The following SVIL variants were observed in gnomAD, a reference collection of about 807,000 sequenced individuals.
The protein encoded by SVIL is supervillin.
Under a neutral mutation model 240.4 loss-of-function variants are expected in SVIL, and 101 were observed. The ratio of observed to expected loss-of-function variants is 0.42; its 90% CI spans 0.36 to 0.50. The LOEUF is 0.50. Among genes scored for constraint, SVIL ranks in the 20% least tolerant of loss-of-function variants. SVIL has a pLI of 0.01. For missense variants in SVIL, 2,512 were observed against 2,818.7 expected, an observed-to-expected ratio of 0.89 and a Z score of 2.46; for synonymous variants, 999 against 1,100.0, an observed-to-expected ratio of 0.91 and a Z score of 1.82.
chr10:29,499,403 C>T (rs1235894336), intron 17 of SVIL, 140 bp from the exon 18 acceptor site: 1 of 1,158,668 alleles, frequency 8.6e-7, no homozygotes, highest in Non-Finnish European at 1.2e-6. Flanking sequence ...CAAAAATGTT[C>T]TATCTGAAAT....
At chr10:29,576,198 G>A in intron 1 of SVIL, 1 of 835,040 alleles carries the variant, frequency 1.2e-6, no homozygotes, top group Non-Finnish European at 1.4e-6. Flanking sequence ...ACACTCATAA[G>A]AATGACAATC....
chr10:29,494,704 A>G (rs529877653), intron 20 of SVIL, among the ~76,000 whole-genome samples: 1 of 152,350 alleles, frequency 6.6e-6, no homozygotes, highest in African/African-American at 2.4e-5. Flanking sequence ...CTCAGTTCAC[A>G]ATTCCAATTG....
intron 21 of SVIL, 77 bp from the exon 22 acceptor site, chr10:29,491,096 C>A: frequency 6.9e-7 from 1 of 1,445,460 alleles, no homozygotes. Flanking sequence ...TTGGACTCCA[C>A]AAAGTATTTC....
chr10:29,651,231 C>T (rs1958824393), intron 3 of SVIL, among the ~76,000 whole-genome samples: 1 of 152,154 alleles, frequency 6.6e-6, no homozygotes, highest in Admixed American at 6.6e-5. Context: ...GACCTCCAAA[C>T]CCAACCAGCA....
chr10:29,582,373 G>C (rs1158618127), intron 1 of SVIL, among the ~76,000 whole-genome samples: 5 of 152,152 alleles, frequency 3.3e-5, no homozygotes, highest in East Asian at 1.9e-4. Flanking sequence ...GAGACGCCAA[G>C]GACGATTCTG....
At position 29,458,458 on chromosome 10, in the gene SVIL, G is replaced by A. The variant is rs1232159294; in HGVS notation, c.6534C>T (p.Ile2178=). The change falls in exon 37 of 38, where the codon ATC becomes ATT. Residue 2178 remains isoleucine (I), a synonymous_variant. Coordinates refer to ENST00000355867, the MANE Select transcript of SVIL (RefSeq NM_021738.3). ...PEGVDPLKLE[I]YLTDEDFEFA... ...CCTCGAAGTCTTCGTCGGTGAGATA[G>A]ATCTCAAGCTTCAGAGGATCGACCC... is the stretch of plus-strand genomic sequence containing the variant. The A allele has an allele frequency of 1.3e-6, 2 of 1,581,524 alleles. No individual in the cohort carries two copies. Among genetic ancestry groups the A allele is most frequent in the East Asian group, 2.2e-5 (1 of 44,486 alleles).
rs763214461 is a variant in SVIL, at chr10:29,486,103, G to A, written c.4761C>T (p.Ser1587=). The change falls in exon 26 of 38, where the codon TCC becomes TCT. Residue 1587 remains serine, a synonymous_variant. Coordinates refer to ENST00000355867, the MANE Select transcript of SVIL (RefSeq NM_021738.3). ...ACTGTACCTCTTTGGGTTGCAGAAG[G>A]GAGCACTTCGGAATTTTCCCCCAGT... ...DDYWGKIPKC[S]LLQPKEVLVF... is the part of the protein sequence containing the mutation. 7 of 1,614,082 alleles carry A rather than the reference G, an allele frequency of 4.3e-6. No individual in the cohort carries two copies. In the South Asian group the frequency reaches 5.5e-5, roughly 13 times the overall value.
At chr10:29,536,911 C>CAAAAAAA (rs59133069) in intron 6 of SVIL, among the ~76,000 whole-genome samples, 114 of 89,526 alleles carry the variant, frequency 1.3e-3, no homozygotes, top group African/African-American at 2.1e-3. Flanking sequence ...GACTCTGTCA[C>CAAAAAAA]AAAAAAAAAA....
chr10:29,462,468 G>A (rs1464695431), intron 35 of SVIL, 67 bp from the exon 36 acceptor site: 2 of 1,564,052 alleles, frequency 1.3e-6, no homozygotes, highest in Non-Finnish European at 1.7e-6. Flanking sequence ...GATTTCCCTT[G>A]AAATCTTTTC....
At chr10:29,525,194 A>G (rs1252436712) in intron 13 of SVIL, among the ~76,000 whole-genome samples, 1 of 152,236 alleles carries the variant, frequency 6.6e-6, no homozygotes, top group East Asian at 1.9e-4. Context: ...TACTTGCTAA[A>G]GACAAATGGC....
chr10:29,491,692 A>G (rs1335290581), intron 21 of SVIL, among the ~76,000 whole-genome samples: 4 of 152,072 alleles, frequency 2.6e-5, no homozygotes, highest in Non-Finnish European at 5.9e-5. Flanking sequence ...CGATCTCCCA[A>G]CAGACTCCTG....
At position 29,642,417 on chromosome 10, in the gene SVIL, GAGAAAGAAAGAA is replaced by G. The variant is rs71020802; in HGVS notation, c.-201+15540_-201+15551del. Among the ~76,000 whole-genome samples, 1,039 of 123,544 alleles carry G rather than the reference GAGAAAGAAAGAA, an allele frequency of 8.4e-3. 12 individuals are homozygous for G. The highest frequency in any genetic ancestry group is 0.044 in the East Asian group (178 of 4,036). The allele number at this position is 123,544 out of a possible 152,430, so 81.0% of individuals were successfully genotyped here. A position where few individuals can be genotyped will look rare whatever the true frequency, so the allele number is the denominator to read the frequency against. ...AAAAACAGAAAGAAAGAGAGAGAGT[GAGAAAGAAAGAA>G]AGAAAGAAAGAAAGAAAGAAAGAAA... is the stretch of plus-strand genomic sequence containing the variant. On this transcript the variant is annotated intron_variant, in intron 3 of 35. Transcript: ENST00000375400.
intron 3 of SVIL, among the ~76,000 whole-genome samples, chr10:29,561,801 C>G (rs188399932): frequency 1.6e-3 from 247 of 152,324 alleles, no homozygotes; most frequent in African/African-American, 5.7e-3. Context: ...TATGAAATCT[C>G]ATCTGCCTCC....
chr10:29,479,752 G>A (rs1353338700), intron 29 of SVIL, among the ~76,000 whole-genome samples: 1 of 152,156 alleles, frequency 6.6e-6, no homozygotes, highest in Non-Finnish European at 1.5e-5. Flanking sequence ...TGGCCCCGGG[G>A]GCAGGTGCAC....
intron 30 of SVIL, among the ~76,000 whole-genome samples, chr10:29,472,792 T>C (rs1331836344): frequency 6.6e-6 from 1 of 152,082 alleles, no homozygotes; most frequent in Admixed American, 6.6e-5. Flanking sequence ...GCCATGGGGT[T>C]GTAAGGCCAG....
At chr10:29,496,162 AT>A (rs11301195) in intron 18 of SVIL, among the ~76,000 whole-genome samples, 48,667 of 152,048 alleles carry the variant, frequency 0.32, 8,305 homozygotes, top group Admixed American at 0.4. Flanking sequence ...GTATTATAGC[AT>A]TAAAAAATTT....
chr10:29,516,687 C>T (rs754737974), intron 16 of SVIL, among the ~76,000 whole-genome samples: 7 of 152,258 alleles, frequency 4.6e-5, no homozygotes, highest in African/African-American at 1.7e-4. Flanking sequence ...TAGGCCTGGG[C>T]TGTGTGAACC....
intron 1 of SVIL, among the ~76,000 whole-genome samples, chr10:29,706,117 CAT>C (rs1388451929): frequency 6.6e-6 from 1 of 152,168 alleles, no homozygotes; most frequent in African/African-American, 2.4e-5. Context: ...CTGCAATAAA[CAT>C]GTGTGTGCAT....
intron 1 of SVIL, among the ~76,000 whole-genome samples, chr10:29,612,573 T>C (rs902561612): frequency 2.0e-5 from 3 of 152,100 alleles, no homozygotes; most frequent in African/African-American, 7.2e-5. Flanking sequence ...GTTCAACAGA[T>C]AACTTGTATT....
Sources: allele counts gnomAD v4.1 joint callset (sites outside exome capture counted in the v4.1 genomes callset), GRCh38; gene constraint gnomAD v4.1.1; transcripts MANE v1.5; gene names NCBI Gene and HGNC (gene_info 2026-07-23, HGNC 2026-07-21).